FA2H: variants seen among roughly 807,000 people sequenced by gnomAD.
FA2H encodes the protein fatty acid alpha-hydroxylase.
FA2H carries 22 observed loss-of-function variants against 44.9 expected under a neutral mutation model. The ratio of observed to expected loss-of-function variants is 0.49; its 90% CI spans 0.35 to 0.70. The LOEUF (loss-of-function observed/expected upper bound fraction) is 0.70. Among genes scored for constraint, FA2H ranks in the 30% least tolerant of loss-of-function variants. The pLI, the probability that FA2H is intolerant of heterozygous loss-of-function variation, is 0.01. For synonymous variants in FA2H, 243 were observed against 213.2 expected (o/e 1.14, Z -1.22); for missense variants, 501 against 504.9 (o/e 0.99, Z 0.07).
intron 2 of FA2H, among the ~76,000 whole-genome samples, chr16:74,734,632 G>T (rs1962145117): frequency 6.6e-6 from 1 of 152,232 alleles, no homozygotes; most frequent in African/African-American, 2.4e-5. Flanking sequence ...CCAGAGGGTG[G>T]GCGGAAGGGC....
intron 4 of FA2H, among the ~76,000 whole-genome samples, chr16:74,724,832 T>C: frequency 6.6e-6 from 1 of 152,202 alleles, no homozygotes; most frequent in South Asian, 2.1e-4. Flanking sequence ...GTCAAGCCTC[T>C]GCCCGCCCCC....
chr16:74,716,658 A>G lies in FA2H; in HGVS notation c.787-59T>C, dbSNP rs57844314. On this transcript the variant is annotated intron_variant, in intron 5 of 6. Transcript: ENST00000219368. Reference sequence around the variant, plus strand: ...GCCAGGGGCCCCGGCAGCTGGCCAAACCCTGGCCACTCCCTGCAGAGGACA... The same window carrying G: ...GCCAGGGGCCCCGGCAGCTGGCCAAGCCCTGGCCACTCCCTGCAGAGGACA... 58,651 of 1,502,866 alleles carry G rather than the reference A, an allele frequency of 0.039. 2,325 individuals carry two copies. The highest frequency in any genetic ancestry group is 0.2 in the African/African-American group (14,477 of 72,236). 93.1% of individuals were successfully genotyped at this position (1,502,866 alleles called of 1,614,324 possible). A position where few individuals can be genotyped will look rare whatever the true frequency, so the allele number is the denominator to read the frequency against.
In FA2H at chr16:74,768,588, G is replaced by A. The variant is rs117777849; in HGVS notation, c.270+5898C>T. Among the ~76,000 whole-genome samples, 557 of 152,278 alleles carry A rather than the reference G, an allele frequency of 3.7e-3. 4 individuals are homozygous for A. Among genetic ancestry groups the A allele is most frequent in the Non-Finnish European group, 6.1e-3 (416 of 68,020 alleles). On this transcript the variant is annotated intron_variant, in intron 1 of 6. Transcript: ENST00000219368. The stretch of plus-strand genomic sequence containing the variant: ...GGCTCTACTCTGCTCAGAAGGTGGC[G>A]GCAGTTCAGCAAATTCCCCAAGCAT...
At position 74,731,440 on chromosome 16, in the gene FA2H, G is replaced by A. The variant is rs543406427; in HGVS notation, c.364-4054C>T. On this transcript the variant is annotated intron_variant, in intron 2 of 6. Transcript: ENST00000219368. ...ATTACAGGCATGAGCCACCACACCC[G>A]GCCATCTCTGCCTTTCAATTGAAGC... Among the ~76,000 whole-genome samples the A allele has an allele frequency of 1.4e-4, 21 of 151,982 alleles. No homozygotes were observed. The East Asian group carries it at 3.5e-3, about 25-fold the overall frequency.
intron 3 of FA2H, among the ~76,000 whole-genome samples, 176 bp downstream of exon 3, chr16:74,727,068 G>T (rs1270632200): frequency 6.6e-6 from 1 of 152,214 alleles, no homozygotes; most frequent in Non-Finnish European, 1.5e-5. Context: ...CCCACCCAGT[G>T]GACAAAACCA....
intron 4 of FA2H, among the ~76,000 whole-genome samples, chr16:74,722,322 G>T (rs1391451198): frequency 6.6e-6 from 1 of 152,068 alleles, no homozygotes; most frequent in Non-Finnish European, 1.5e-5. Flanking sequence ...GATCGTTTGA[G>T]CCCAGGAGTT....
At chr16:74,738,272 G>A (rs1046127371) in intron 2 of FA2H, among the ~76,000 whole-genome samples, 6 of 152,152 alleles carry the variant, frequency 3.9e-5, no homozygotes, top group Non-Finnish European at 5.9e-5. Context: ...CAGCTGGCCC[G>A]GAGCCAGGCA....
intron 2 of FA2H, among the ~76,000 whole-genome samples, chr16:74,731,156 ATTT>A (rs547324621): frequency 7.3e-6 from 1 of 136,116 alleles, no homozygotes; most frequent in African/African-American, 2.7e-5. Flanking sequence ...AATCTCTGCC[ATTT>A]TTTTTTTTTT....
At position 74,732,907 on chromosome 16, in the gene FA2H, C is replaced by T. The variant is rs953266397; in HGVS notation, c.364-5521G>A. Among the ~76,000 whole-genome samples, 5 of 152,224 alleles carry T rather than the reference C, an allele frequency of 3.3e-5. No individual in the cohort carries two copies. The South Asian group carries it at 1.0e-3, about 31-fold the overall frequency. ...AGCTAGACCGTGGAAGATGTGTTTA[C>T]AGGTGTGGTGGGAACAGAGCCCCAG... On this transcript the variant is annotated intron_variant, in intron 2 of 6. Coordinates refer to ENST00000219368, the MANE Select transcript of FA2H (RefSeq NM_024306.5).
chr16:74,771,391 G>GCC (rs1962903566), intron 1 of FA2H, among the ~76,000 whole-genome samples: 1 of 151,616 alleles, frequency 6.6e-6, no homozygotes, highest in South Asian at 2.1e-4. Context: ...AGATTTTACC[G>GCC]TGTTGCCCAG....
intron 5 of FA2H, chr16:74,717,231 G>A (rs1167463450): frequency 6.6e-6 from 1 of 152,552 alleles, no homozygotes; most frequent in Non-Finnish European, 1.5e-5. Flanking sequence ...GCATAGAGGT[G>A]AGATCTTAGC....
intron 4 of FA2H, among the ~76,000 whole-genome samples, chr16:74,721,172 CT>C (rs201322723): frequency 6.0e-5 from 9 of 148,872 alleles, no homozygotes; most frequent in African/African-American, 9.8e-5. Context: ...TTCTCTCTCT[CT>C]TTTTTTTTTG....
At chr16:74,759,409 C>T (rs1962667402) in intron 1 of FA2H, among the ~76,000 whole-genome samples, 1 of 152,154 alleles carries the variant, frequency 6.6e-6, no homozygotes, top group Admixed American at 6.6e-5. Context: ...TCAGCTCCAA[C>T]CCACTCAGGG....
Position 74,736,483 on chromosome 16 carries a change from T to A in FA2H, c.363+3540A>T, listed in dbSNP as rs564183030. ...ATCTTCCTGAGTTCTCAGTGACTGA[T>A]CTGGGGGTCCTAAATGGGCAAAACA... On this transcript the variant is annotated intron_variant, in intron 2 of 6. Transcript: ENST00000219368. 1.1e-4 allele frequency among the ~76,000 whole-genome samples: 16 copies of A among 152,206 alleles called. No individual in the cohort carries two copies. The South Asian group carries it at 2.7e-3, about 26-fold the overall frequency.
At chr16:74,762,803 C>G (rs574989852) in intron 1 of FA2H, among the ~76,000 whole-genome samples, 1 of 152,336 alleles carries the variant, frequency 6.6e-6, no homozygotes, top group South Asian at 2.1e-4. Context: ...TCTGGGATTA[C>G]AGGCATGAGC....
chr16:74,771,664 T>C (rs1962909504), intron 1 of FA2H, among the ~76,000 whole-genome samples: 1 of 152,038 alleles, frequency 6.6e-6, no homozygotes, highest in Non-Finnish European at 1.5e-5. Flanking sequence ...TTATATCTTC[T>C]TCTAAACCCT....
intron 2 of FA2H, among the ~76,000 whole-genome samples, chr16:74,732,112 G>T (rs1276494885): frequency 6.6e-6 from 1 of 151,412 alleles, no homozygotes; most frequent in African/African-American, 2.4e-5. Context: ...TCGAGCTCCT[G>T]GGCTCAAGTG....
In FA2H at chr16:74,726,215, C is replaced by T. The variant is rs1322206833; in HGVS notation, c.613+10G>A. On this transcript the variant is annotated intron_variant, in intron 4 of 6. Coordinates refer to ENST00000219368, the MANE Select transcript of FA2H (RefSeq NM_024306.5). ...TCCTCAGGGCAAGTCAGGAAAGAAA[C>T]TGGCATTACCTGTTGTAAATGACGT... 2 of 1,590,588 alleles carry T rather than the reference C, an allele frequency of 1.3e-6. No individual in the cohort carries two copies. The highest frequency in any genetic ancestry group is 2.2e-5 in the East Asian group (1 of 44,734).
rs75622300 is a variant in FA2H at position 74,742,532 on chromosome 16, G to T, written c.271-2417C>A. ...TATGAGATTGCCAGCGTTTTATTTT[G>T]CCAAATAAAAATATTTCAAAGGCAG... On this transcript the variant is annotated intron_variant, in intron 1 of 6. Coordinates refer to ENST00000219368, the MANE Select transcript of FA2H (RefSeq NM_024306.5). Among the ~76,000 whole-genome samples the T allele has an allele frequency of 6.6e-5, 10 of 152,258 alleles. No homozygotes were observed. The East Asian group carries it at 1.9e-3, about 29-fold the overall frequency.
Sources: gnomAD v4.1 joint callset for allele counts (sites outside exome capture counted in the v4.1 genomes callset) on GRCh38, gnomAD v4.1.1 for gene constraint, MANE v1.5 for transcripts, NCBI Gene and HGNC (gene_info 2026-07-23, HGNC 2026-07-21) for gene names.